The following COL22A1 variants were observed in gnomAD, a reference collection of about 807,000 sequenced individuals.
The protein encoded by COL22A1 is collagen type XXII alpha 1 chain.
In COL22A1, 221 loss-of-function variants were observed where a neutral mutation model predicts 248.9. That is an observed-to-expected ratio of 0.89 (90% CI 0.80 to 0.99). The LOEUF (loss-of-function observed/expected upper bound fraction) is 0.99. COL22A1 is among the 50% of genes least tolerant of loss of function. The pLI, the probability that COL22A1 is intolerant of heterozygous loss-of-function variation, is 0.00. For synonymous variants in COL22A1, 891 were observed against 793.4 expected (o/e 1.12, Z -2.07); for missense variants, 2,240 against 2,179.0 (o/e 1.03, Z -0.56).
intron 12 of COL22A1, among the ~76,000 whole-genome samples, chr8:138,796,613 C>T (rs1340417184): frequency 1.3e-5 from 2 of 151,816 alleles, no homozygotes; most frequent in Non-Finnish European, 2.9e-5. Flanking sequence ...TCTGTCTCCA[C>T]CTTCTCTCTT....
intron 1 of COL22A1, among the ~76,000 whole-genome samples, chr8:138,909,672 A>G (rs1450190978): frequency 6.6e-6 from 1 of 152,212 alleles, no homozygotes; most frequent in African/African-American, 2.4e-5. Context: ...AGTTAAGGCA[A>G]GTGGACAGCA....
In COL22A1 at chr8:138,655,968, C is replaced by T. The variant is rs777672132; in HGVS notation, c.3286-24G>A. 23 of 1,575,074 alleles carry T rather than the reference C, an allele frequency of 1.5e-5. No individual in the cohort carries two copies. The South Asian group carries it at 1.8e-4, about 12-fold the overall frequency. On this transcript the variant is annotated intron_variant, in intron 44 of 64. Transcript: ENST00000303045. ...CCCTGTCAAAATAAAAAGAAACAAA[C>T]ACATACGTACATGCATATATACAAT...
At chr8:138,822,526 G>C (rs1353540395) in intron 6 of COL22A1, among the ~76,000 whole-genome samples, 2 of 152,212 alleles carry the variant, frequency 1.3e-5, no homozygotes, top group Non-Finnish European at 2.9e-5. Flanking sequence ...CAGAACATGA[G>C]TATCCATTGA....
intron 35 of COL22A1, among the ~76,000 whole-genome samples, chr8:138,691,982 GTA>G (rs1357610810): frequency 4.1e-5 from 5 of 121,586 alleles, no homozygotes; most frequent in Admixed American, 8.7e-5. Context: ...GGAGGTGTGT[GTA>G]TGTGTGCACG....
chr8:138,831,368 C>T (rs777864231), intron 5 of COL22A1, among the ~76,000 whole-genome samples: 41 of 152,104 alleles, frequency 2.7e-4, no homozygotes, highest in African/African-American at 1.2e-4. Context: ...AGTTGGGTGC[C>T]GAGACTGTAG....
intron 13 of COL22A1, 96 bp from the exon 14 acceptor site, chr8:138,779,658 A>G: frequency 1.3e-6 from 1 of 789,086 alleles, no homozygotes. Context: ...TGCTTCCTGC[A>G]GCTCAGAACA....
intron 5 of COL22A1, among the ~76,000 whole-genome samples, chr8:138,832,272 A>AT (rs895152232): frequency 5.3e-5 from 8 of 152,004 alleles, no homozygotes; most frequent in Non-Finnish European, 1.0e-4. Context: ...CCATTCTTTC[A>AT]TTTTTTTACT....
At position 138,597,008 on chromosome 8, in the gene COL22A1, G is replaced by A. The variant is rs368076232; in HGVS notation, c.4366-38C>T. On this transcript the variant is annotated intron_variant, in intron 61 of 64. Transcript: ENST00000303045. ...GAAGGTGGAGTCATTCATCTTCCCA[G>A]TAACTTCTGCCACCTAAGAACCCTG... 9.1e-4 allele frequency: 1,429 copies of A among 1,573,854 alleles called. 19 individuals are homozygous for A. Among genetic ancestry groups the A allele is most frequent in the Non-Finnish European group, 2.0e-4 (230 of 1,144,408 alleles).
intron 3 of COL22A1, among the ~76,000 whole-genome samples, chr8:138,861,183 C>G (rs1421760536): frequency 6.6e-6 from 1 of 152,234 alleles, no homozygotes; most frequent in Non-Finnish European, 1.5e-5. Context: ...ATCCATCACT[C>G]CTGCTGGGAC....
chr8:138,592,480 T>C (rs905168781), intron 63 of COL22A1, among the ~76,000 whole-genome samples: 2 of 152,244 alleles, frequency 1.3e-5, no homozygotes, highest in Non-Finnish European at 2.9e-5. Flanking sequence ...TTTTATGCTT[T>C]CTTATTGACA....
At chr8:138,623,899 T>G (rs1820038731) in intron 51 of COL22A1, 114 bp from the exon 52 acceptor site, 1 of 841,958 alleles carries the variant, frequency 1.2e-6, no homozygotes, top group African/African-American at 1.7e-5. Flanking sequence ...CCTTCACAGT[T>G]GGCAGCTAAG....
chr8:138,896,699 G>A (rs185697219), intron 1 of COL22A1, among the ~76,000 whole-genome samples: 77 of 152,258 alleles, frequency 5.1e-4, no homozygotes, highest in Non-Finnish European at 7.5e-4. Context: ...AAGGCCAGAC[G>A]CGGTGGCTTA....
At position 138,773,442 on chromosome 8, in the gene COL22A1, GT is replaced by G. The variant is rs201502016; in HGVS notation, c.1803+2523del. 8.6e-3 allele frequency among the ~76,000 whole-genome samples: 1,304 copies of G among 152,296 alleles called. 19 individuals are homozygous for G. Among genetic ancestry groups the G allele is most frequent in the African/African-American group, 0.03 (1,228 of 41,528 alleles). ...TGGCTCTGTGCTCCTGTCCTTTGGAGTGGGGGGTCCCACACCTTGGATTCAT... is the reference window on the plus strand; with the variant it reads ...TGGCTCTGTGCTCCTGTCCTTTGGAGGGGGGGTCCCACACCTTGGATTCAT... On this transcript the variant is annotated intron_variant, in intron 16 of 64. Coordinates refer to ENST00000303045, the MANE Select transcript of COL22A1 (RefSeq NM_152888.3).
At chr8:138,836,774 G>A (rs1175230959) in intron 4 of COL22A1, among the ~76,000 whole-genome samples, 1 of 152,224 alleles carries the variant, frequency 6.6e-6, no homozygotes, top group Non-Finnish European at 1.5e-5. Flanking sequence ...AAGAGTCCCA[G>A]TCAAACTGCA....
chr8:138,888,484 C>T (rs1403393892), intron 1 of COL22A1, among the ~76,000 whole-genome samples: 1 of 152,216 alleles, frequency 6.6e-6, no homozygotes, highest in African/African-American at 2.4e-5. Context: ...ACTTAGGGAA[C>T]TTCCCTATGC....
chr8:138,747,600 G>A (rs1288420100), intron 22 of COL22A1, among the ~76,000 whole-genome samples: 1 of 152,146 alleles, frequency 6.6e-6, no homozygotes, highest in Non-Finnish European at 1.5e-5. Flanking sequence ...TGGAGAGCCT[G>A]TTCAAGGAAA....
intron 4 of COL22A1, among the ~76,000 whole-genome samples, chr8:138,837,542 T>G (rs1246379774): frequency 1.3e-5 from 2 of 152,218 alleles, no homozygotes; most frequent in Non-Finnish European, 2.9e-5. Context: ...CCCACAGCTC[T>G]GGGCTCCCAG....
At chr8:138,676,413 A>AG (rs1554744008) in intron 41 of COL22A1, 145 bp downstream of exon 41, 1 of 325,194 alleles carries the variant, frequency 3.1e-6, no homozygotes. Context: ...AAAAGAAAGA[A>AG]AAAGAAAGAA....
intron 45 of COL22A1, among the ~76,000 whole-genome samples, chr8:138,653,812 C>T (rs1023614426): frequency 1.3e-5 from 2 of 152,166 alleles, no homozygotes; most frequent in African/African-American, 4.8e-5. Context: ...CTTACAACAT[C>T]GAGATGACAG....
Sources: gnomAD v4.1 joint callset for allele counts (sites outside exome capture counted in the v4.1 genomes callset) on GRCh38, gnomAD v4.1.1 for gene constraint, MANE v1.5 for transcripts, NCBI Gene and HGNC (gene_info 2026-07-23, HGNC 2026-07-21) for gene names.